The following HTR2C variants were observed in gnomAD, a reference collection of about 807,000 sequenced individuals.
HTR2C encodes the protein 5-hydroxytryptamine (serotonin) receptor 2C, G protein-coupled.
Under a neutral mutation model 21.0 loss-of-function variants are expected in HTR2C, and 5 were observed. The observed-to-expected ratio is 0.24, with a 90% CI of 0.12 to 0.50. HTR2C has a LOEUF of 0.50. HTR2C is among the 20% of genes least tolerant of loss of function. HTR2C has a pLI of 0.98. For missense variants in HTR2C, 271 were observed against 371.2 expected (o/e 0.73, Z 2.22); for synonymous variants, 150 against 145.3 (o/e 1.03, Z -0.23).
chrX:114,813,027 G>A (rs1451996170), intron 4 of HTR2C, among the ~76,000 whole-genome samples: 1 of 111,095 alleles, frequency 9.0e-6, no homozygotes, highest in African/African-American at 3.3e-5. Context: ...AAGTAGAAAA[G>A]GACTTTACAG....
At chrX:114,598,022 G>A (rs1556393088) in intron 1 of HTR2C, among the ~76,000 whole-genome samples, 1 of 111,571 alleles carries the variant, frequency 9.0e-6, no homozygotes, top group Non-Finnish European at 1.9e-5. Context: ...GGGCTTCCCA[G>A]AAGAGGAAAC....
intron 2 of HTR2C, among the ~76,000 whole-genome samples, chrX:114,664,762 G>T (rs1238019773): frequency 1.8e-5 from 2 of 111,519 alleles, no homozygotes; most frequent in Non-Finnish European, 3.8e-5. Context: ...GGCCAAAGGG[G>T]ATTTCTGTCC....
chrX:114,688,978 C>T (rs1255515162), intron 2 of HTR2C, among the ~76,000 whole-genome samples: 2 of 108,872 alleles, frequency 1.8e-5, no homozygotes, highest in African/African-American at 3.4e-5. Context: ...TTTTATTCCT[C>T]GTGCCCCTGT....
chrX:114,835,499 G>A lies in HTR2C; in HGVS notation c.350-12504G>A, dbSNP rs375874702. Among the ~76,000 whole-genome samples the A allele has an allele frequency of 4.6e-5, 5 of 108,347 alleles. No individual in the cohort carries two copies. The South Asian group carries it at 1.2e-3, about 27-fold the overall frequency. The allele number at this position is 108,347 out of a possible 115,157, so 94.1% of individuals were successfully genotyped here. ...ACCCTTTCTTCCAGTTGATCGCATC[G>A]GCTCCTGAGGCTTCTGCATTCTTCA... On this transcript the variant is annotated intron_variant, in intron 4 of 5. Coordinates refer to ENST00000276198, the MANE Select transcript of HTR2C (RefSeq NM_000868.4).
chrX:114,804,472 G>A (rs1203820301), intron 4 of HTR2C, among the ~76,000 whole-genome samples: 2 of 111,987 alleles, frequency 1.8e-5, no homozygotes, highest in Non-Finnish European at 1.9e-5. Context: ...CAATAGCCAA[G>A]AGACTTTAAA....
At chrX:114,802,879 C>G (rs1293150061) in intron 4 of HTR2C, among the ~76,000 whole-genome samples, 1 of 60,822 alleles carries the variant, frequency 1.6e-5, no homozygotes, top group East Asian at 7.2e-4. Context: ...TATCCCTCCC[C>G]CCTCCCCCCA....
intron 2 of HTR2C, among the ~76,000 whole-genome samples, chrX:114,699,614 T>A (rs1279863112): frequency 2.7e-5 from 3 of 111,948 alleles, no homozygotes; most frequent in African/African-American, 9.8e-5. Flanking sequence ...TAAGTGTATT[T>A]TGTTAGAGAC....
intron 2 of HTR2C, among the ~76,000 whole-genome samples, chrX:114,640,629 A>G (rs1930059728): frequency 1.8e-5 from 2 of 112,287 alleles, no homozygotes; most frequent in African/African-American, 3.2e-5. Context: ...AATTGGGCAT[A>G]TTTTTAAAAT....
At position 114,718,646 on chromosome X, in the gene HTR2C, G is replaced by A. The variant is rs1353699918; in HGVS notation, c.-79-8212G>A. 2.7e-5 allele frequency among the ~76,000 whole-genome samples: 3 copies of A among 110,794 alleles called. No individual in the cohort carries two copies. In the East Asian group the frequency reaches 8.4e-4, roughly 31 times the overall value. ...GTTATTGATGTCTGAAGATTTTACA[G>A]TGCTTTAGAGAAGGCATGAAAAGAT... On this transcript the variant is annotated intron_variant, in intron 2 of 5. Transcript: ENST00000276198.
chrX:114,880,639 A>T (rs1452014964), intron 5 of HTR2C, among the ~76,000 whole-genome samples: 1 of 111,082 alleles, frequency 9.0e-6, no homozygotes, highest in African/African-American at 3.3e-5. Flanking sequence ...AGATTTGCCT[A>T]CTCTGGCAAT....
At chrX:114,870,282 A>G (rs982209396) in intron 5 of HTR2C, among the ~76,000 whole-genome samples, 5 of 109,932 alleles carry the variant, frequency 4.5e-5, no homozygotes, top group African/African-American at 1.7e-4. Flanking sequence ...AGGTTTTGCC[A>G]TGTTGGCCAG....
intron 4 of HTR2C, among the ~76,000 whole-genome samples, chrX:114,813,597 C>CA (rs1231226469): frequency 5.4e-5 from 6 of 111,745 alleles, no homozygotes; most frequent in African/African-American, 1.6e-4. Flanking sequence ...TCTGGTCAGA[C>CA]AACGATCTCT....
At chrX:114,712,139 T>A (rs781825910) in intron 2 of HTR2C, among the ~76,000 whole-genome samples, 200 of 112,325 alleles carry the variant, frequency 1.8e-3, no homozygotes, top group African/African-American at 6.2e-3. Flanking sequence ...CAGCATCATA[T>A]GCAGTTTTGA....
intron 4 of HTR2C, chrX:114,775,504 G>C: frequency 2.0e-6 from 1 of 499,943 alleles, no homozygotes; most frequent in Non-Finnish European, 3.7e-6. Flanking sequence ...GTCTCTGTCT[G>C]CTTGGTAGGA....
intron 5 of HTR2C, among the ~76,000 whole-genome samples, chrX:114,849,945 T>C (rs782650763): frequency 8.9e-6 from 1 of 111,992 alleles, no homozygotes; most frequent in Admixed American, 9.5e-5. Flanking sequence ...GAAATAAACT[T>C]ACAAACACTT....
intron 4 of HTR2C, among the ~76,000 whole-genome samples, chrX:114,830,460 C>T (rs1353511584): frequency 1.8e-5 from 2 of 111,116 alleles, no homozygotes; most frequent in Admixed American, 9.6e-5. Context: ...ATTTATTTTT[C>T]ACATACCTCA....
chrX:114,890,903 A>T (rs1556482678), intron 5 of HTR2C, among the ~76,000 whole-genome samples: 1 of 111,463 alleles, frequency 9.0e-6, no homozygotes, highest in African/African-American at 3.3e-5. Flanking sequence ...GTTATTGGCC[A>T]CTATTTCTTC....
chrX:114,740,942 A>C (rs1228214262), intron 4 of HTR2C, among the ~76,000 whole-genome samples: 1 of 111,558 alleles, frequency 9.0e-6, no homozygotes, highest in Non-Finnish European at 1.9e-5. Context: ...ACTGTTGCAT[A>C]AGGTAGTTAA....
intron 5 of HTR2C, among the ~76,000 whole-genome samples, chrX:114,903,539 C>T (rs1556485823): frequency 8.9e-6 from 1 of 112,251 alleles, no homozygotes; most frequent in Admixed American, 9.4e-5. Context: ...CCTCATCTAC[C>T]CAATAACAGC....
Sources: gnomAD v4.1 joint callset for allele counts (sites outside exome capture counted in the v4.1 genomes callset) on GRCh38, gnomAD v4.1.1 for gene constraint, MANE v1.5 for transcripts, NCBI Gene and HGNC (gene_info 2026-07-23, HGNC 2026-07-21) for gene names.